The following GRID1 variants were observed in gnomAD, a reference collection of about 807,000 sequenced individuals.
The protein encoded by GRID1 is glutamate ionotropic receptor delta type subunit 1.
In GRID1, 28 loss-of-function variants were observed where a neutral mutation model predicts 98.0. The observed-to-expected ratio is 0.29, with a 90% confidence interval of 0.21 to 0.39. The LOEUF is 0.39. Among genes scored for constraint, GRID1 ranks in the 10% least tolerant of loss-of-function variants. The probability of loss-of-function intolerance (pLI) is 1.00; values close to 1 mark genes in which losing one functional copy is unlikely to be tolerated. For missense variants in GRID1, 1,111 were observed against 1,340.5 expected, an observed-to-expected ratio of 0.83 and a Z score of 2.67; for synonymous variants, 553 against 538.5, an observed-to-expected ratio of 1.03 and a Z score of -0.37.
intron 8 of GRID1, among the ~76,000 whole-genome samples, chr10:85,798,434 G>C (rs1842544888): frequency 6.6e-6 from 1 of 152,160 alleles, no homozygotes; most frequent in African/African-American, 2.4e-5. Flanking sequence ...GTAGTTTTTT[G>C]AGGAAACACC....
At chr10:85,911,161 T>G (rs1841531809) in intron 5 of GRID1, among the ~76,000 whole-genome samples, 2 of 152,176 alleles carry the variant, frequency 1.3e-5, no homozygotes, top group Non-Finnish European at 2.9e-5. Context: ...GATTCAGCAT[T>G]CATATCACAG....
At chr10:85,895,678 A>G (rs1383399034) in intron 5 of GRID1, among the ~76,000 whole-genome samples, 1 of 152,204 alleles carries the variant, frequency 6.6e-6, no homozygotes, top group East Asian at 1.9e-4. Context: ...ATCTTCCTGC[A>G]GCCAATATTT....
At chr10:85,962,001 A>G (rs1435271851) in intron 4 of GRID1, among the ~76,000 whole-genome samples, 1 of 152,194 alleles carries the variant, frequency 6.6e-6, no homozygotes, top group East Asian at 1.9e-4. Flanking sequence ...AAGGAAGCAA[A>G]AAGAGCAGAA....
intron 3 of GRID1, among the ~76,000 whole-genome samples, chr10:86,166,425 G>T (rs1233594429): frequency 1.3e-5 from 2 of 152,240 alleles, no homozygotes; most frequent in Non-Finnish European, 2.9e-5. Context: ...CATTTATGCA[G>T]CCAACAGACA....
rs1002361065 is a variant in GRID1 at position 85,628,342 on chromosome 10, GGT to G, written c.2194-8311_2194-8310del. 3.2e-4 allele frequency among the ~76,000 whole-genome samples: 48 copies of G among 151,726 alleles called. 1 individual carries two copies. The highest frequency in any genetic ancestry group is 1.0e-3 in the African/African-American group (43 of 41,308). ...GTGTGAGGGAATGTGTGTGTGTGAA[GGT>G]GTGTGTATATGTATGTGAGAATTGT... On this transcript the variant is annotated intron_variant, in intron 13 of 15. Transcript: ENST00000327946.
chr10:85,698,705 T>C lies in GRID1; in HGVS notation c.1997+24298A>G, dbSNP rs149369943. On this transcript the variant is annotated intron_variant, in intron 12 of 15. Transcript: ENST00000327946. ...CCAGAAGAGTAACTGCTGTATTATA[T>C]GGTAACTGTATGCTGTGTTTTGTAA... 4.6e-5 allele frequency among the ~76,000 whole-genome samples: 7 copies of C among 152,364 alleles called. No individual in the cohort carries two copies. In the East Asian group the frequency reaches 9.6e-4, roughly 21 times the overall value.
At chr10:86,040,501 C>A in intron 4 of GRID1, among the ~76,000 whole-genome samples, 1 of 132,712 alleles carries the variant, frequency 7.5e-6, no homozygotes, top group African/African-American at 2.9e-5. Context: ...CATGATCTCA[C>A]TCATATCTTA....
At chr10:85,655,604 C>T (rs569443528) in intron 12 of GRID1, among the ~76,000 whole-genome samples, 1 of 152,320 alleles carries the variant, frequency 6.6e-6, no homozygotes, top group South Asian at 2.1e-4. Context: ...CCACTAGCCT[C>T]CAGGAGACCC....
chr10:86,364,876 C>A (rs997929091), intron 1 of GRID1, among the ~76,000 whole-genome samples: 1 of 152,266 alleles, frequency 6.6e-6, no homozygotes, highest in Non-Finnish European at 1.5e-5. Flanking sequence ...TCCTCCAGGG[C>A]GCCCTCCGGC....
intron 3 of GRID1, among the ~76,000 whole-genome samples, chr10:86,204,530 C>T (rs760115922): frequency 3.3e-5 from 5 of 152,236 alleles, no homozygotes; most frequent in Non-Finnish European, 5.9e-5. Flanking sequence ...TCTTTGAGGA[C>T]CTGCATCTTG....
chr10:86,251,999 A>G (rs1053873829), intron 2 of GRID1, among the ~76,000 whole-genome samples: 1 of 152,190 alleles, frequency 6.6e-6, no homozygotes, highest in Non-Finnish European at 1.5e-5. Context: ...TGTCATCCTC[A>G]CTATCACTTG....
At chr10:85,840,680 C>A (rs1036638040) in intron 8 of GRID1, among the ~76,000 whole-genome samples, 1 of 152,134 alleles carries the variant, frequency 6.6e-6, no homozygotes, top group Non-Finnish European at 1.5e-5. Context: ...CACTAGCATT[C>A]TTATACATCA....
chr10:86,007,791 C>T (rs1269185751), intron 4 of GRID1, among the ~76,000 whole-genome samples: 2 of 151,666 alleles, frequency 1.3e-5, no homozygotes, highest in Admixed American at 1.3e-4. Context: ...AGTGAAGTGC[C>T]TCAGTTTTGT....
chr10:86,028,232 C>T (rs17106180), intron 4 of GRID1, among the ~76,000 whole-genome samples: 14,899 of 152,254 alleles, frequency 0.098, 908 homozygotes, highest in African/African-American at 0.17. Flanking sequence ...TGCTGCCCCA[C>T]CAAACTGTGC....
At chr10:86,310,610 C>T (rs1444342409) in intron 2 of GRID1, among the ~76,000 whole-genome samples, 1 of 152,198 alleles carries the variant, frequency 6.6e-6, no homozygotes, top group African/African-American at 2.4e-5. Context: ...TCTACCTGGT[C>T]TCCAGGCTTC....
chr10:85,807,367 A>G (rs1487165129), intron 8 of GRID1, among the ~76,000 whole-genome samples: 1 of 146,172 alleles, frequency 6.8e-6, no homozygotes, highest in African/African-American at 2.4e-5. Context: ...AAAAAAAAAA[A>G]AGGAAAGAAA....
chr10:86,292,870 TGAGTGTG>T (rs1182852914), intron 2 of GRID1, among the ~76,000 whole-genome samples: 1 of 151,764 alleles, frequency 6.6e-6, no homozygotes, highest in Non-Finnish European at 1.5e-5. Context: ...GTGGCAGATG[TGAGTGTG>T]GAATGTAGCT....
At chr10:85,832,703 G>C (rs77795495) in intron 8 of GRID1, among the ~76,000 whole-genome samples, 12,999 of 152,188 alleles carry the variant, frequency 0.085, 712 homozygotes, top group Middle Eastern at 0.16. Context: ...CATAGTGACA[G>C]GGTGTCTTAC....
intron 4 of GRID1, among the ~76,000 whole-genome samples, chr10:85,980,204 G>A (rs1274235305): frequency 2.0e-5 from 3 of 152,174 alleles, no homozygotes; most frequent in Admixed American, 2.0e-4. Context: ...TCTCCCCAGG[G>A]TGGGATTCCC....
Sources: gnomAD v4.1 joint callset for allele counts (sites outside exome capture counted in the v4.1 genomes callset) on GRCh38, gnomAD v4.1.1 for gene constraint, MANE v1.5 for transcripts, NCBI Gene and HGNC (gene_info 2026-07-23, HGNC 2026-07-21) for gene names.